KIRREL3: variants seen among roughly 807,000 people sequenced by gnomAD.
The protein encoded by KIRREL3 is kin of IRRE-like protein 3.
In KIRREL3, 36 loss-of-function variants were observed where a neutral mutation model predicts 89.7. The ratio of observed to expected loss-of-function variants is 0.40; its 90% confidence interval spans 0.31 to 0.53. The LOEUF is 0.53. Ranked by LOEUF, KIRREL3 falls within the 20% of genes least tolerant of loss-of-function variation. KIRREL3 has a pLI of 0.49. For synonymous variants in KIRREL3, 445 were observed against 441.4 expected, an observed-to-expected ratio of 1.01 and a Z score of -0.10; for missense variants, 864 against 1,056.6, an observed-to-expected ratio of 0.82 and a Z score of 2.53.
At position 126,687,207 on chromosome 11, in the gene KIRREL3, C is replaced by A. The variant is rs549463995; in HGVS notation, c.56-124295G>T. ...ATCAAACGTGCTGAGCCCTGCCTTG[C>A]GCCAGGCAGTGAGCTAGTCCTTATT... is the stretch of plus-strand genomic sequence containing the variant. On this transcript the variant is annotated intron_variant, in intron 1 of 16. Transcript: ENST00000525144. The surrounding 1 kb of genome is among the most constrained non-coding windows in gnomAD (Gnocchi z 4.6). 1.3e-5 allele frequency among the ~76,000 whole-genome samples: 2 copies of A among 152,284 alleles called. No individual in the cohort carries two copies. Among genetic ancestry groups the A allele is most frequent in the East Asian group, 1.9e-4 (1 of 5,186 alleles).
chr11:126,878,459 G>T (rs1945372857), intron 1 of KIRREL3, among the ~76,000 whole-genome samples: 1 of 151,884 alleles, frequency 6.6e-6, no homozygotes, highest in Admixed American at 6.6e-5. Context: ...ACTTTCTTTT[G>T]TAAGAAAAAC....
At chr11:126,554,965 A>G (rs1939590770) in intron 2 of KIRREL3, among the ~76,000 whole-genome samples, 1 of 152,192 alleles carries the variant, frequency 6.6e-6, no homozygotes, top group South Asian at 2.1e-4. Flanking sequence ...CAGACAGTGC[A>G]GCTTCAGGGA....
At chr11:126,644,618 G>A (rs1422990095) in intron 1 of KIRREL3, among the ~76,000 whole-genome samples, 1 of 152,182 alleles carries the variant, frequency 6.6e-6, no homozygotes, top group Admixed American at 6.5e-5. Context: ...GAGGAAGATG[G>A]AGTCATGTCC....
At chr11:126,733,776 CG>C (rs1948711662) in intron 1 of KIRREL3, among the ~76,000 whole-genome samples, 1 of 152,074 alleles carries the variant, frequency 6.6e-6, no homozygotes, top group Non-Finnish European at 1.5e-5. Context: ...GTGATTTGAA[CG>C]GGTTGCTGCT....
chr11:126,676,225 G>A lies in KIRREL3; in HGVS notation c.56-113313C>T, dbSNP rs117134502. 3.2e-4 allele frequency among the ~76,000 whole-genome samples: 49 copies of A among 152,208 alleles called. 4 individuals are homozygous for A. The East Asian group carries it at 9.3e-3, about 29-fold the overall frequency. On this transcript the variant is annotated intron_variant, in intron 1 of 16. Transcript: ENST00000525144. The surrounding 1 kb of genome is among the most constrained non-coding windows in gnomAD (Gnocchi z 4.5). ...GCATCAAGGTGCTAGTAACTATCACGGGCAAAGATGAAATCAGCTAGGAAA... is the reference window on the plus strand; with the variant it reads ...GCATCAAGGTGCTAGTAACTATCACAGGCAAAGATGAAATCAGCTAGGAAA...
At chr11:126,737,502 G>A (rs1948843249) in intron 1 of KIRREL3, among the ~76,000 whole-genome samples, 1 of 152,208 alleles carries the variant, frequency 6.6e-6, no homozygotes, top group African/African-American at 2.4e-5. Flanking sequence ...ACCGCCCCAT[G>A]GATTCTGGGG....
Position 126,750,441 on chromosome 11 carries a change from C to T in KIRREL3, c.56-187529G>A, listed in dbSNP as rs951974510. 2.0e-5 allele frequency among the ~76,000 whole-genome samples: 3 copies of T among 152,108 alleles called. No individual in the cohort carries two copies. Among genetic ancestry groups the T allele is most frequent in the African/African-American group, 4.8e-5 (2 of 41,392 alleles). ...AGCCAGAGAGGAACACTCTTACCCT[C>T]TTTAGAAACAGAAGGGACTGGAGAG... is the stretch of plus-strand genomic sequence containing the variant. On this transcript the variant is annotated intron_variant, in intron 1 of 16. Coordinates refer to ENST00000525144, the MANE Select transcript of KIRREL3 (RefSeq NM_032531.4). The surrounding 1 kb of genome is among the most constrained non-coding windows in gnomAD (Gnocchi z 4.2).
intron 12 of KIRREL3, 125 bp from the exon 13 acceptor site, chr11:126,435,428 C>G (rs968859141): frequency 2.2e-6 from 2 of 919,910 alleles, no homozygotes; most frequent in African/African-American, 1.6e-5. Flanking sequence ...TCTCTGGGAC[C>G]CCCCAACAGA....
At chr11:126,741,695 A>C (rs1160858947) in intron 1 of KIRREL3, among the ~76,000 whole-genome samples, 1 of 152,252 alleles carries the variant, frequency 6.6e-6, no homozygotes, top group Non-Finnish European at 1.5e-5. Context: ...AGAGATCCCT[A>C]AGTGGAGAGG....
intron 1 of KIRREL3, among the ~76,000 whole-genome samples, chr11:126,853,837 C>G (rs1944417679): frequency 6.6e-6 from 1 of 152,092 alleles, no homozygotes; most frequent in South Asian, 2.1e-4. Context: ...AAGTATATGA[C>G]AGGGACTTTA....
rs138968225 is a variant in KIRREL3 at position 126,904,751 on chromosome 11, C to T, written c.55+95704G>A. ...ATAATGTACATATTTAATCTTGTCT[C>T]GTCTATTTTTATCCTATGTTCACTC... On this transcript the variant is annotated intron_variant, in intron 1 of 16. Coordinates refer to ENST00000525144, the MANE Select transcript of KIRREL3 (RefSeq NM_032531.4). This position sits in a 1 kb window ranked among gnomAD's most constrained non-coding sequence, Gnocchi z 4.4. Among the ~76,000 whole-genome samples the T allele has an allele frequency of 1.4e-3, 217 of 152,248 alleles. 2 individuals are homozygous for T. Among genetic ancestry groups the T allele is most frequent in the African/African-American group, 4.8e-3 (200 of 41,538 alleles).
intron 1 of KIRREL3, among the ~76,000 whole-genome samples, chr11:126,939,634 A>C (rs1430083597): frequency 6.6e-6 from 1 of 152,138 alleles, no homozygotes; most frequent in Admixed American, 6.5e-5. Context: ...GTGAACTAGG[A>C]GGATCACACC....
intron 1 of KIRREL3, among the ~76,000 whole-genome samples, chr11:126,938,652 C>A (rs1948307280): frequency 6.6e-6 from 1 of 152,158 alleles, no homozygotes; most frequent in Admixed American, 6.5e-5. Flanking sequence ...GGTTAGCTAG[C>A]CAAACTCATA....
rs1407901667 is a variant in KIRREL3 at position 126,788,420 on chromosome 11, T to C, written c.55+212035A>G. Among the ~76,000 whole-genome samples, 1 of 152,200 alleles carries C rather than the reference T, an allele frequency of 6.6e-6. No individual in the cohort carries two copies. The highest frequency in any genetic ancestry group is 1.5e-5 in the Non-Finnish European group (1 of 68,038). ...TTTGAGACTGAGACAGGGCTGTGCT[T>C]CTTCCCTTGCCTCCTCTGTCCATGT... On this transcript the variant is annotated intron_variant, in intron 1 of 16. Coordinates refer to ENST00000525144, the MANE Select transcript of KIRREL3 (RefSeq NM_032531.4). The surrounding 1 kb of genome is among the most constrained non-coding windows in gnomAD (Gnocchi z 4.1).
rs114345340 is a variant in KIRREL3, at chr11:126,839,951, A to C, written c.55+160504T>G. Reference sequence around the variant, plus strand: ...TCCTGCTGCACTTCGTACAGAGTGCATTCTATACTCTTGATTGCAGGAAGG... The same window carrying C: ...TCCTGCTGCACTTCGTACAGAGTGCCTTCTATACTCTTGATTGCAGGAAGG... On this transcript the variant is annotated intron_variant, in intron 1 of 16. Transcript: ENST00000525144. Among the ~76,000 whole-genome samples the C allele has an allele frequency of 2.8e-3, 426 of 152,326 alleles. 1 individual carries two copies. The highest frequency in any genetic ancestry group is 9.5e-3 in the African/African-American group (396 of 41,572).
At chr11:126,716,299 T>G (rs1947960491) in intron 1 of KIRREL3, among the ~76,000 whole-genome samples, 1 of 152,192 alleles carries the variant, frequency 6.6e-6, no homozygotes, top group African/African-American at 2.4e-5. Flanking sequence ...ATGGAGCACC[T>G]GCTAGGTGTC....
chr11:126,467,112 G>T (rs1011036397), intron 5 of KIRREL3, among the ~76,000 whole-genome samples: 1 of 152,366 alleles, frequency 6.6e-6, no homozygotes, highest in South Asian at 2.1e-4. Flanking sequence ...ATACACCCCC[G>T]TGGGTATGTG....
chr11:126,567,485 C>A (rs772672535), intron 1 of KIRREL3, among the ~76,000 whole-genome samples: 1 of 152,208 alleles, frequency 6.6e-6, no homozygotes, highest in African/African-American at 2.4e-5. Flanking sequence ...TTTGTAACAG[C>A]AGCCCTAGCA....
At position 126,485,736 on chromosome 11, in the gene KIRREL3, C is replaced by G. The variant is rs1957342970; in HGVS notation, c.434-12270G>C. The stretch of plus-strand genomic sequence containing the variant: ...GTTTCCACCTCTTGTTCTGCTATTA[C>G]CTTGTTCCATGCCCAGCCCTGGACT... On this transcript the variant is annotated intron_variant, in intron 4 of 16. Coordinates refer to ENST00000525144, the MANE Select transcript of KIRREL3 (RefSeq NM_032531.4). The surrounding 1 kb of genome is among the most constrained non-coding windows in gnomAD (Gnocchi z 5.8). Among the ~76,000 whole-genome samples the G allele has an allele frequency of 1.3e-5, 2 of 152,220 alleles. No individual in the cohort carries two copies. Among genetic ancestry groups the G allele is most frequent in the African/African-American group, 4.8e-5 (2 of 41,448 alleles).
Sources: gnomAD v4.1 joint callset for allele counts (sites outside exome capture counted in the v4.1 genomes callset) on GRCh38, gnomAD v4.1.1 for gene constraint, Gnocchi (gnomAD v3.1) non-coding constraint, MANE v1.5 for transcripts, NCBI Gene and HGNC (gene_info 2026-07-23, HGNC 2026-07-21) for gene names.